PCNX2: variants seen among roughly 807,000 people sequenced by gnomAD.
PCNX2 encodes pecanex-like protein 2.
A neutral mutation model predicts 223.8 loss-of-function variants in PCNX2; 168 were observed. The ratio of observed to expected loss-of-function variants is 0.75; its 90% CI spans 0.66 to 0.85. The LOEUF (loss-of-function observed/expected upper bound fraction) is 0.85. Ranked by LOEUF, PCNX2 falls within the 40% of genes least tolerant of loss-of-function variation. The pLI, the probability that PCNX2 is intolerant of heterozygous loss-of-function variation, is 0.00. For synonymous variants in PCNX2, 1,006 were observed against 1,052.6 expected (o/e 0.96, Z 0.86); for missense variants, 2,507 against 2,675.5 (o/e 0.94, Z 1.39).
chr1:233,058,558 C>T (rs941223215), intron 23 of PCNX2: 1 of 152,104 alleles, frequency 6.6e-6, no homozygotes, highest in Non-Finnish European at 1.5e-5. Flanking sequence ...CAGCATCACA[C>T]ATAGGGTTTA....
chr1:232,998,451 G>C lies in PCNX2; in HGVS notation c.5604-13C>G. 6.2e-7 allele frequency: 1 copy of C among 1,607,952 alleles called. No individual in the cohort carries two copies. Among genetic ancestry groups the C allele is most frequent in the Non-Finnish European group, 8.5e-7 (1 of 1,178,118 alleles). Reference sequence around the variant, plus strand: ...ATCCTTCCGCATCCTGTGGGAGGGAGAAGTCCTTTGAGGATTCTCAGCAAC... The same window carrying C: ...ATCCTTCCGCATCCTGTGGGAGGGACAAGTCCTTTGAGGATTCTCAGCAAC... On this transcript the variant is annotated splice_polypyrimidine_tract_variant and intron_variant, in intron 31 of 33. Coordinates refer to ENST00000258229, the MANE Select transcript of PCNX2 (RefSeq NM_014801.4).
At chr1:233,174,829 A>C (rs1333087602) in intron 17 of PCNX2, among the ~76,000 whole-genome samples, 1 of 152,198 alleles carries the variant, frequency 6.6e-6, no homozygotes, top group East Asian at 1.9e-4. Flanking sequence ...TTAAGTAATG[A>C]ATTTTGGTGA....
chr1:233,043,292 G>C (rs1671707442), intron 25 of PCNX2, among the ~76,000 whole-genome samples: 1 of 152,122 alleles, frequency 6.6e-6, no homozygotes, highest in African/African-American at 2.4e-5. Flanking sequence ...CTACACAAAT[G>C]ATGGTTAAAT....
chr1:233,140,528 G>A (rs114311899), intron 19 of PCNX2, among the ~76,000 whole-genome samples: 3 of 152,102 alleles, frequency 2.0e-5, no homozygotes, highest in African/African-American at 2.4e-5. Context: ...TCATCTTTTC[G>A]AGCCTTAGTT....
intron 28 of PCNX2, among the ~76,000 whole-genome samples, chr1:233,009,015 ATGT>A (rs2102808984): frequency 6.6e-6 from 1 of 152,138 alleles, no homozygotes; most frequent in East Asian, 1.9e-4. Context: ...CTGCTGGGAG[ATGT>A]TGTGGACAGC....
rs1336984052 is a variant in PCNX2 at position 232,990,702 on chromosome 1, C to T, written c.5792-4162G>A. 6.6e-6 allele frequency among the ~76,000 whole-genome samples: 1 copy of T among 152,178 alleles called. No homozygotes were observed. The highest frequency in any genetic ancestry group is 1.9e-4 in the East Asian group (1 of 5,182). ...CCCTTGGTGGCCCCTGCAGCCGTCT[C>T]TGTCCCCACAGGGCCAGGAAGCTGT... On this transcript the variant is annotated intron_variant, in intron 32 of 33. Coordinates refer to ENST00000258229, the MANE Select transcript of PCNX2 (RefSeq NM_014801.4). The surrounding 1 kb of genome is among the most constrained non-coding windows in gnomAD (Gnocchi z 4.3).
At chr1:233,091,409 G>T (rs1673864373) in intron 22 of PCNX2, among the ~76,000 whole-genome samples, 1 of 151,512 alleles carries the variant, frequency 6.6e-6, no homozygotes, top group Admixed American at 6.6e-5. Context: ...AAGTAACTCG[G>T]ACTTCTAAGT....
At chr1:233,019,973 T>C (rs1426480751) in intron 26 of PCNX2, among the ~76,000 whole-genome samples, 1 of 152,162 alleles carries the variant, frequency 6.6e-6, no homozygotes, top group East Asian at 1.9e-4. Context: ...TCTAAACATC[T>C]AGCTCTAGTG....
intron 1 of PCNX2, chr1:233,290,718 T>C (rs2103029027): frequency 1.0e-6 from 1 of 970,474 alleles, no homozygotes; most frequent in East Asian, 1.1e-4. Flanking sequence ...TTATAGCAAT[T>C]AGAAATGATG....
intron 25 of PCNX2, among the ~76,000 whole-genome samples, chr1:233,046,648 C>G (rs1671831618): frequency 6.6e-6 from 1 of 152,152 alleles, no homozygotes; most frequent in Non-Finnish European, 1.5e-5. Flanking sequence ...CCTACTGTGG[C>G]TGGCAGGAAG....
chr1:232,992,673 C>A (rs143206064), intron 32 of PCNX2, among the ~76,000 whole-genome samples: 2 of 152,284 alleles, frequency 1.3e-5, no homozygotes, highest in Non-Finnish European at 2.9e-5. Flanking sequence ...TGGGCAGTGA[C>A]TTAAGTTTTC....
chr1:233,155,228 C>T (rs575661736), intron 19 of PCNX2, among the ~76,000 whole-genome samples: 1 of 152,266 alleles, frequency 6.6e-6, no homozygotes, highest in East Asian at 1.9e-4. Context: ...GTAGCTGGGA[C>T]TACAGGCACA....
intron 8 of PCNX2, among the ~76,000 whole-genome samples, chr1:233,248,576 A>G (rs1185629730): frequency 2.6e-5 from 4 of 152,094 alleles, no homozygotes; most frequent in Non-Finnish European, 4.4e-5. Flanking sequence ...CTAGGCCCCA[A>G]TGACTCAATC....
At chr1:233,176,268 C>A (rs1185938633) in intron 17 of PCNX2, among the ~76,000 whole-genome samples, 1 of 152,154 alleles carries the variant, frequency 6.6e-6, no homozygotes, top group Non-Finnish European at 1.5e-5. Flanking sequence ...ACTTTTGAAG[C>A]TGTCCAGAGC....
At chr1:233,044,362 T>C (rs1489666589) in intron 25 of PCNX2, among the ~76,000 whole-genome samples, 2 of 152,240 alleles carry the variant, frequency 1.3e-5, no homozygotes, top group Admixed American at 1.3e-4. Flanking sequence ...GTAGGTTGCC[T>C]GTTCACGCTG....
intron 1 of PCNX2, chr1:233,290,917 T>G: frequency 1.0e-6 from 1 of 985,380 alleles, no homozygotes; most frequent in Non-Finnish European, 1.2e-6. Context: ...GAAAATTAAG[T>G]CTAATGTTGC....
At chr1:233,190,714 T>C in intron 15 of PCNX2, among the ~76,000 whole-genome samples, 1 of 152,206 alleles carries the variant, frequency 6.6e-6, no homozygotes, top group East Asian at 1.9e-4. Context: ...CCAGAGTTCT[T>C]GAAGTGTTTC....
chr1:233,291,007 C>T (rs1233321506), intron 1 of PCNX2: 1 of 985,388 alleles, frequency 1.0e-6, no homozygotes, highest in Non-Finnish European at 1.2e-6. Context: ...GTGGAGTTGA[C>T]CACAATGCCA....
chr1:233,243,875 T>C (rs557746300), intron 8 of PCNX2, among the ~76,000 whole-genome samples: 2 of 152,036 alleles, frequency 1.3e-5, no homozygotes. Flanking sequence ...TCTGTTGCCC[T>C]GGCTGGAGTG....
Sources: gnomAD v4.1 joint callset for allele counts (sites outside exome capture counted in the v4.1 genomes callset) on GRCh38, gnomAD v4.1.1 for gene constraint, Gnocchi (gnomAD v3.1) non-coding constraint, MANE v1.5 for transcripts, NCBI Gene and HGNC (gene_info 2026-07-23, HGNC 2026-07-21) for gene names.